IRX2: variants seen among roughly 807,000 people sequenced by gnomAD.
IRX2 encodes the protein iroquois-class homeodomain protein IRX-2.
In IRX2, 26 loss-of-function variants were observed where a neutral mutation model predicts 42.9. The ratio of observed to expected loss-of-function variants is 0.61; its 90% CI spans 0.44 to 0.84. The LOEUF is 0.84. Among genes scored for constraint, IRX2 ranks in the 40% least tolerant of loss-of-function variants. IRX2 has a pLI of 0.00. For synonymous variants in IRX2, 424 were observed against 353.9 expected (o/e 1.20, Z -2.22); for missense variants, 782 against 713.9 (o/e 1.10, Z -1.09).
At chr5:2,740,805 T>A in the IRX2 span, among the ~76,000 whole-genome samples, 1 of 151,928 alleles carries the variant, frequency 6.6e-6, no homozygotes, top group African/African-American at 2.4e-5. Flanking sequence ...CGGCCCAGGG[T>A]CTCCAGCACT....
Position 2,749,436 on chromosome 5 carries a change from C to T in IRX2, c.601G>A (p.Asp201Asn), listed in dbSNP as rs111710335. The T allele has an allele frequency of 1.9e-5, 30 of 1,614,194 alleles. 1 individual carries two copies. In the African/African-American group the frequency reaches 1.9e-4, roughly 10 times the overall value. The stretch of plus-strand genomic sequence containing the variant: ...TCCTGCGCCTTGTCGGGACTCTCGT[C>T]CTTGCTTCTGGTAGCGTCGCCCTCG... Reference protein sequence around the residue: ...EDEGDATRSKDESPDKAQEGT... With the variant: ...EDEGDATRSKNESPDKAQEGT... The change falls in exon 2 of 4, where the codon GAC (aspartate) becomes AAC (asparagine). Residue 201 changes from aspartate (D) to asparagine (N), a missense_variant. By Grantham distance (23) the Asp-to-Asn change is conservative. This residue lies in a region of IRX2 where 520 missense variants were observed against 437.8 expected (regional missense o/e 1.19). Transcript: ENST00000302057.
At chr5:2,739,393 G>C in the IRX2 span, among the ~76,000 whole-genome samples, 1 of 152,250 alleles carries the variant, frequency 6.6e-6, no homozygotes, top group Non-Finnish European at 1.5e-5. Context: ...TGGGGCCGCA[G>C]ATCGGGGCTA....
downstream of IRX2, among the ~76,000 whole-genome samples, chr5:2,745,307 G>A (rs1221018490): frequency 2.0e-5 from 3 of 152,018 alleles, no homozygotes; most frequent in Admixed American, 6.5e-5. Context: ...TATTATTCTT[G>A]TTTTATAACC....
chr5:2,748,314 TCCCGGGC>T (rs905248893), intron 3 of IRX2, 24 bp downstream of exon 3: 64 of 1,376,788 alleles, frequency 4.6e-5, no homozygotes, highest in Admixed American at 3.1e-4. Flanking sequence ...CTCCCTCCCC[TCCCGGGC>T]GCCGCCGGCC....
At chr5:2,743,484 C>A (rs1737587671), downstream of IRX2, among the ~76,000 whole-genome samples, 1 of 150,122 alleles carries the variant, frequency 6.7e-6, no homozygotes, top group East Asian at 1.9e-4. Context: ...AAACCCTGGG[C>A]CGCGGAGAGC....
In IRX2 at chr5:2,748,673, C is replaced by T. The variant is rs1026455676; in HGVS notation, c.1035G>A (p.Leu345=). 3 of 1,389,370 alleles carry T rather than the reference C, an allele frequency of 2.2e-6. No homozygotes were observed. The highest frequency in any genetic ancestry group is 3.1e-5 in the African/African-American group (2 of 65,358). The allele number at this position is 1,389,370 out of a possible 1,614,324, so 86.1% of individuals were successfully genotyped here. Residue 345 remains leucine, a synonymous_variant, in exon 3 of 4, where the codon CTG becomes CTA. Coordinates refer to ENST00000302057, the MANE Select transcript of IRX2 (RefSeq NM_033267.5). ...IATSDLKQPS[L]GPGCGPPGLP... ...GCCCCGGTGGCCCGCAGCCCGGGCC[C>T]AGGCTCGGCTGCTTGAGGTCCGACG...
In IRX2 at chr5:2,746,466, A is replaced by G. The variant is rs1034795641; in HGVS notation, c.*1098T>C. 13 of 152,336 alleles carry G rather than the reference A, an allele frequency of 8.5e-5. No individual in the cohort carries two copies. Among genetic ancestry groups the G allele is most frequent in the African/African-American group, 3.1e-4 (13 of 41,580 alleles). The allele number at this position is 152,336 out of a possible 1,614,324, so 9.4% of individuals were successfully genotyped here. A position where few individuals can be genotyped will look rare whatever the true frequency, so the allele number is the denominator to read the frequency against. ...TAAACTTTACAGTAAATCCTATCAC[A>G]CCTATAGAATATATACCGTGGCAAT... On this transcript the variant is annotated 3_prime_UTR_variant, in exon 4 of 4. Coordinates refer to ENST00000302057, the MANE Select transcript of IRX2 (RefSeq NM_033267.5).
intron 1 of IRX2, among the ~76,000 whole-genome samples, chr5:2,750,962 G>A (rs934617425): frequency 1.4e-4 from 22 of 151,806 alleles, no homozygotes; most frequent in Admixed American, 2.0e-4. Context: ...CCGGGCTCAG[G>A]GACGTCCCCG....
the IRX2 span, among the ~76,000 whole-genome samples, chr5:2,740,048 G>A: frequency 6.6e-6 from 1 of 152,164 alleles, no homozygotes; most frequent in Non-Finnish European, 1.5e-5. Flanking sequence ...CCAGAAGCCT[G>A]GCTGCATTCC....
chr5:2,750,788 G>A (rs886073372), intron 1 of IRX2, among the ~76,000 whole-genome samples: 1 of 152,228 alleles, frequency 6.6e-6, no homozygotes, highest in African/African-American at 2.4e-5. Context: ...CCACGCCAAT[G>A]CAGGCGAGCA....
chr5:2,737,946 C>A, the IRX2 span, among the ~76,000 whole-genome samples: 1 of 152,200 alleles, frequency 6.6e-6, no homozygotes, highest in South Asian at 2.1e-4. Context: ...CCCCTGCCCA[C>A]CCCCTGCAGC....
At chr5:2,745,296 CTAT>C (rs1737634418), downstream of IRX2, among the ~76,000 whole-genome samples, 1 of 152,062 alleles carries the variant, frequency 6.6e-6, no homozygotes, top group African/African-American at 2.4e-5. Flanking sequence ...ATCTAAGAAG[CTAT>C]TATTCTTGTT....
In IRX2 at chr5:2,747,286, A is replaced by G; in HGVS notation, c.*278T>C. 4.4e-6 allele frequency: 1 copy of G among 227,948 alleles called. No homozygotes were observed. The highest frequency in any genetic ancestry group is 8.7e-6 in the Non-Finnish European group (1 of 114,616). The allele number at this position is 227,948 out of a possible 1,614,324, so 14.1% of individuals were successfully genotyped here. On this transcript the variant is annotated 3_prime_UTR_variant, in exon 4 of 4. Coordinates refer to ENST00000302057, the MANE Select transcript of IRX2 (RefSeq NM_033267.5). ...ATGTACTATATATATACATATATAT[A>G]TTACACACACACACACACACATATA...
chr5:2,748,646 C>A lies in IRX2; in HGVS notation c.1062G>T (p.Leu354=). The A allele has an allele frequency of 1.4e-6, 2 of 1,404,604 alleles. No homozygotes were observed. Among genetic ancestry groups the A allele is most frequent in the Non-Finnish European group, 1.8e-6 (2 of 1,081,756 alleles). 87.0% of individuals were successfully genotyped at this position (1,404,604 alleles called of 1,614,324 possible). ...SLGPGCGPPG[L]PAAAAPASTG... ...TTGAGGCCGGCGCGGCGGCCGCGGG[C>A]AGCCCCGGTGGCCCGCAGCCCGGGC... is the stretch of plus-strand genomic sequence containing the variant. Residue 354 remains leucine (L), a synonymous_variant, in exon 3 of 4, where the codon CTG becomes CTT. Coordinates refer to ENST00000302057, the MANE Select transcript of IRX2 (RefSeq NM_033267.5).
At chr5:2,743,977 T>C (rs1188512796), downstream of IRX2, among the ~76,000 whole-genome samples, 2 of 152,198 alleles carry the variant, frequency 1.3e-5, no homozygotes, top group African/African-American at 4.8e-5. Flanking sequence ...GTTGGGCATA[T>C]AAACATCAAA....
downstream of IRX2, among the ~76,000 whole-genome samples, chr5:2,743,516 C>CCA (rs1024486613): frequency 1.9e-4 from 29 of 152,148 alleles, no homozygotes; most frequent in African/African-American, 7.0e-4. Flanking sequence ...CGCGGATCCA[C>CCA]CACGCGGGCG....
At chr5:2,749,808 TGAG>T in intron 1 of IRX2, 21 bp from the exon 2 acceptor site, 1 of 1,577,706 alleles carries the variant, frequency 6.3e-7, no homozygotes. Flanking sequence ...CAAGAGCCTG[TGAG>T]TGGAGTATGC....
Position 2,746,445 on chromosome 5 carries a change from C to CCTATCCT in IRX2, c.*1118_*1119insAGGATAG, listed in dbSNP as rs1737667053. ...ACTGTGTACATCTTTTACAAATAAACTTTACAGTAAATCCTATCACACCTA... is the reference window on the plus strand; with the variant it reads ...ACTGTGTACATCTTTTACAAATAAACCTATCCTTTTACAGTAAATCCTATCACACCTA... On this transcript the variant is annotated 3_prime_UTR_variant, in exon 4 of 4. Transcript: ENST00000302057. The CCTATCCT allele has an allele frequency of 6.6e-6, 1 of 152,174 alleles. No individual in the cohort carries two copies. Among genetic ancestry groups the CCTATCCT allele is most frequent in the Non-Finnish European group, 1.5e-5 (1 of 68,028 alleles). The allele number at this position is 152,174 out of a possible 1,614,324, so 9.4% of individuals were successfully genotyped here.
At chr5:2,739,367 C>T in the IRX2 span, among the ~76,000 whole-genome samples, 2 of 152,352 alleles carry the variant, frequency 1.3e-5, no homozygotes, top group African/African-American at 4.8e-5. Flanking sequence ...TCGGTGTCCA[C>T]TGCCCGCCTG....
Sources: gnomAD v4.1 joint callset for allele counts (sites outside exome capture counted in the v4.1 genomes callset) on GRCh38, gnomAD v4.1.1 for gene constraint, gnomAD v4.1.1 regional missense constraint, MANE v1.5 for transcripts, NCBI Gene and HGNC (gene_info 2026-07-23, HGNC 2026-07-21) for gene names.